Variants in SLC36A1 observed in about 807,000 individuals in gnomAD.
SLC36A1 encodes the protein proton-coupled amino acid transporter 1.
In SLC36A1, 30 loss-of-function variants were observed where a neutral mutation model predicts 47.5. The observed-to-expected ratio is 0.63, with a 90% confidence interval of 0.47 to 0.86. The LOEUF (loss-of-function observed/expected upper bound fraction) is 0.86. Among genes scored for constraint, SLC36A1 ranks in the 40% least tolerant of loss-of-function variants. SLC36A1 has a pLI of 0.00. For missense variants in SLC36A1, 517 were observed against 606.0 expected (o/e 0.85, Z 1.54); for synonymous variants, 255 against 249.7 (o/e 1.02, Z -0.20).
intron 1 of SLC36A1, among the ~76,000 whole-genome samples, chr5:151,440,984 A>G (rs1406747269): frequency 1.3e-5 from 2 of 152,176 alleles, no homozygotes. Flanking sequence ...AGACTCTCCT[A>G]GAGGGCTTTT....
chr5:151,519,562 A>G, the SLC36A1 span, among the ~76,000 whole-genome samples: 4 of 152,170 alleles, frequency 2.6e-5, no homozygotes, highest in Admixed American at 6.5e-5. Flanking sequence ...GGAAATATGT[A>G]TTTTAAAAAT....
chr5:151,517,908 G>T, the SLC36A1 span: 2 of 1,010,894 alleles, frequency 2.0e-6, no homozygotes, highest in Non-Finnish European at 2.9e-6. Flanking sequence ...CTGGGTGTGG[G>T]GTGTGCCATA....
chr5:151,356,005 A>G, the SLC36A1 span, among the ~76,000 whole-genome samples: 2 of 152,148 alleles, frequency 1.3e-5, no homozygotes, highest in African/African-American at 2.4e-5. Context: ...TTTTAAAGGC[A>G]TATTTAAAAA....
chr5:151,508,969 C>A, the SLC36A1 span, among the ~76,000 whole-genome samples: 1 of 152,130 alleles, frequency 6.6e-6, no homozygotes, highest in Non-Finnish European at 1.5e-5. Context: ...TTTCATGATT[C>A]TTTAAAGGCT....
chr5:151,479,955 T>C (rs1217335835), intron 10 of SLC36A1: 3 of 624,130 alleles, frequency 4.8e-6, no homozygotes, highest in South Asian at 2.1e-5. Context: ...CATTTTTTAA[T>C]GTCAGTCTTA....
chr5:151,480,326 C>T (rs1758640630), intron 10 of SLC36A1, among the ~76,000 whole-genome samples: 1 of 151,966 alleles, frequency 6.6e-6, no homozygotes, highest in African/African-American at 2.4e-5. Context: ...GAACAAGAAC[C>T]TCTTTGCTTA....
At chr5:151,441,944 C>T (rs889213528) in intron 1 of SLC36A1, among the ~76,000 whole-genome samples, 3 of 152,132 alleles carry the variant, frequency 2.0e-5, no homozygotes, top group Admixed American at 1.3e-4. Flanking sequence ...TGTCTCTCCT[C>T]CGCATTCCCA....
At chr5:151,457,131 T>A (rs1754656551) in intron 1 of SLC36A1, among the ~76,000 whole-genome samples, 1 of 152,118 alleles carries the variant, frequency 6.6e-6, no homozygotes, top group Non-Finnish European at 1.5e-5. Context: ...AGCAGGAAGT[T>A]GACTCTTTCA....
chr5:151,359,787 C>T, the SLC36A1 span, among the ~76,000 whole-genome samples: 4 of 152,278 alleles, frequency 2.6e-5, no homozygotes, highest in South Asian at 4.1e-4. Flanking sequence ...CTTAGCATAA[C>T]GTTTTTGAGT....
chr5:151,444,851 C>T (rs550102833), upstream of SLC36A1, among the ~76,000 whole-genome samples: 38 of 152,224 alleles, frequency 2.5e-4, no homozygotes, highest in African/African-American at 8.9e-4. Flanking sequence ...TTTTTTTAAT[C>T]TTTGGGGTTT....
At chr5:151,431,491 G>T in the SLC36A1 span, 3 of 152,228 alleles carry the variant, frequency 2.0e-5, no homozygotes, top group Non-Finnish European at 4.4e-5. Context: ...TGGTGATATG[G>T]TTTGGTTGTG....
intron 7 of SLC36A1, among the ~76,000 whole-genome samples, chr5:151,473,288 G>A (rs1203677289): frequency 3.3e-5 from 5 of 152,174 alleles, no homozygotes; most frequent in Non-Finnish European, 5.9e-5. Context: ...TTGTTTGGAA[G>A]CACTTATATT....
chr5:151,545,556 T>G, the SLC36A1 span: 6 of 1,614,178 alleles, frequency 3.7e-6, no homozygotes, highest in Non-Finnish European at 5.1e-6. Flanking sequence ...GAATGATGAC[T>G]TGGGCAGGTC....
chr5:151,495,205 G>T (rs1290780675), downstream of SLC36A1, among the ~76,000 whole-genome samples: 1 of 152,206 alleles, frequency 6.6e-6, no homozygotes, highest in South Asian at 2.1e-4. Context: ...ATCTCATTAC[G>T]GTTTTAATTT....
chr5:151,445,107 T>C (rs962421639), upstream of SLC36A1, among the ~76,000 whole-genome samples: 1 of 152,152 alleles, frequency 6.6e-6, no homozygotes, highest in Non-Finnish European at 1.5e-5. Context: ...CCTTATTATG[T>C]TGAGGAATGT....
chr5:151,376,583 AC>A, the SLC36A1 span, among the ~76,000 whole-genome samples: 2 of 152,038 alleles, frequency 1.3e-5, no homozygotes, highest in Non-Finnish European at 2.9e-5. Flanking sequence ...TCTTAGCACT[AC>A]TTTTTTTATA....
intron 8 of SLC36A1, among the ~76,000 whole-genome samples, chr5:151,474,121 C>T (rs1383472625): frequency 4.4e-5 from 6 of 137,212 alleles, no homozygotes; most frequent in African/African-American, 1.4e-4. Context: ...GATCACGCCA[C>T]TGCACTCCAG....
chr5:151,403,400 T>G, the SLC36A1 span, among the ~76,000 whole-genome samples: 209 of 152,290 alleles, frequency 1.4e-3, 2 homozygotes, highest in African/African-American at 4.7e-3. Flanking sequence ...TACCATCCCC[T>G]TGGTACTACT....
intron 5 of SLC36A1, 52 bp downstream of exon 5, chr5:151,465,221 C>T (rs1756171637): frequency 7.3e-7 from 1 of 1,378,402 alleles, no homozygotes; most frequent in Admixed American, 1.7e-5. Context: ...GTGAGGCCTT[C>T]AGATGGGGAG....
Sources: gnomAD v4.1 joint callset for allele counts (sites outside exome capture counted in the v4.1 genomes callset) on GRCh38, gnomAD v4.1.1 for gene constraint, MANE v1.5 for transcripts, NCBI Gene and HGNC (gene_info 2026-07-23, HGNC 2026-07-21) for gene names.